The following PDE11A variants were observed in gnomAD, a reference collection of about 807,000 sequenced individuals.
PDE11A encodes the protein dual 3',5'-cyclic-AMP and -GMP phosphodiesterase 11A.
PDE11A carries 100 observed loss-of-function variants against 100.5 expected under a neutral mutation model. The observed-to-expected ratio is 1.00, with a 90% CI of 0.85 to 1.18. The LOEUF (loss-of-function observed/expected upper bound fraction) is 1.18. Among genes scored for constraint, PDE11A ranks in the 50% most tolerant of loss-of-function variants. The probability of loss-of-function intolerance (pLI) is 0.00; values close to 1 mark genes in which losing one functional copy is unlikely to be tolerated. For missense variants in PDE11A, 1,141 were observed against 1,152.6 expected, an observed-to-expected ratio of 0.99 and a Z score of 0.15; for synonymous variants, 381 against 420.8, an observed-to-expected ratio of 0.91 and a Z score of 1.16.
chr2:177,699,570 T>A (rs1041867328), intron 14 of PDE11A, among the ~76,000 whole-genome samples: 2 of 152,154 alleles, frequency 1.3e-5, no homozygotes, highest in Admixed American at 1.3e-4. Flanking sequence ...TAGATTTGAG[T>A]CTCCCTGAAA....
At chr2:178,063,713 T>C (rs923739319) in intron 1 of PDE11A, among the ~76,000 whole-genome samples, 4 of 152,084 alleles carry the variant, frequency 2.6e-5, no homozygotes, top group East Asian at 3.9e-4. Context: ...ATAAAGGAGA[T>C]AGTTAGGGCT....
At chr2:177,977,838 T>C (rs2085829976) in intron 2 of PDE11A, among the ~76,000 whole-genome samples, 1 of 126,384 alleles carries the variant, frequency 7.9e-6, no homozygotes, top group African/African-American at 3.0e-5. Context: ...GATTCCCTAT[T>C]TAATAAATGG....
chr2:177,816,085 C>T (rs2083033506), intron 9 of PDE11A, among the ~76,000 whole-genome samples: 1 of 152,082 alleles, frequency 6.6e-6, no homozygotes, highest in Non-Finnish European at 1.5e-5. Context: ...GTGGTGCATG[C>T]CTGTAATCCC....
At chr2:177,784,389 T>C (rs1023847542) in intron 9 of PDE11A, among the ~76,000 whole-genome samples, 5 of 152,048 alleles carry the variant, frequency 3.3e-5, no homozygotes, top group Admixed American at 2.0e-4. Flanking sequence ...ACAAATGCCG[T>C]GGCATTGTCC....
intron 4 of PDE11A, among the ~76,000 whole-genome samples, chr2:177,884,568 G>A (rs1309371202): frequency 6.6e-6 from 1 of 152,174 alleles, no homozygotes; most frequent in Non-Finnish European, 1.5e-5. Context: ...GATAGAGCAA[G>A]GCTGAGGACC....
chr2:177,687,583 A>G (rs1282486777), intron 15 of PDE11A: 1 of 152,204 alleles, frequency 6.6e-6, no homozygotes, highest in Admixed American at 6.5e-5. Flanking sequence ...CTGGAAGATG[A>G]AAATTTATAT....
At chr2:177,841,244 C>T (rs527501017) in intron 5 of PDE11A, among the ~76,000 whole-genome samples, 52 of 152,180 alleles carry the variant, frequency 3.4e-4, no homozygotes, top group South Asian at 1.0e-3. Flanking sequence ...TGCCAGGAGC[C>T]GTGGAGATAC....
chr2:177,919,626 A>C (rs1460247064), intron 2 of PDE11A, among the ~76,000 whole-genome samples: 1 of 152,190 alleles, frequency 6.6e-6, no homozygotes, highest in African/African-American at 2.4e-5. Context: ...AAAATTTTTA[A>C]TAAGTTATAA....
chr2:177,990,609 G>A (rs1396981930), intron 2 of PDE11A, among the ~76,000 whole-genome samples: 1 of 151,878 alleles, frequency 6.6e-6, no homozygotes, highest in Non-Finnish European at 1.5e-5. Context: ...ATGGTAGGGT[G>A]GGCCTGTAAT....
intron 2 of PDE11A, among the ~76,000 whole-genome samples, chr2:177,971,028 A>T (rs1353917289): frequency 6.6e-6 from 1 of 152,206 alleles, no homozygotes; most frequent in Non-Finnish European, 1.5e-5. Context: ...TCATCTGGGG[A>T]TATACATTCA....
intron 10 of PDE11A, among the ~76,000 whole-genome samples, chr2:177,745,016 G>T (rs929027620): frequency 6.6e-6 from 1 of 152,170 alleles, no homozygotes. Flanking sequence ...GCTTCTTTCC[G>T]CAACATAACC....
chr2:177,818,108 T>C (rs143991638), intron 7 of PDE11A, among the ~76,000 whole-genome samples, 183 bp from the exon 8 acceptor site: 1,555 of 152,200 alleles, frequency 0.01, 10 homozygotes, highest in Non-Finnish European at 0.016. Context: ...GCACTCTCTC[T>C]TCAAGGCTGA....
At chr2:178,090,428 A>T (rs921160650) in intron 2 of PDE11A, among the ~76,000 whole-genome samples, 2 of 152,052 alleles carry the variant, frequency 1.3e-5, no homozygotes, top group Admixed American at 6.6e-5. Context: ...TTTAACTACA[A>T]TTTTTTTAAT....
At chr2:177,864,865 C>T (rs2084001528) in intron 5 of PDE11A, among the ~76,000 whole-genome samples, 1 of 152,166 alleles carries the variant, frequency 6.6e-6, no homozygotes, top group Non-Finnish European at 1.5e-5. Flanking sequence ...TGCATTACTA[C>T]TTAAAAGTAA....
At chr2:178,028,356 G>C (rs937600841) in intron 1 of PDE11A, among the ~76,000 whole-genome samples, 1 of 151,268 alleles carries the variant, frequency 6.6e-6, no homozygotes, top group Non-Finnish European at 1.5e-5. Context: ...TATGAGAGTA[G>C]GCGTGACATA....
chr2:177,693,244 T>C (rs955092186), intron 15 of PDE11A, among the ~76,000 whole-genome samples: 2 of 152,182 alleles, frequency 1.3e-5, no homozygotes, highest in African/African-American at 4.8e-5. Context: ...CATGACTTCA[T>C]GTGTGAGAAC....
chr2:177,664,042 T>G, intron 18 of PDE11A, 93 bp from the exon 19 acceptor site: 1 of 768,458 alleles, frequency 1.3e-6, no homozygotes. Context: ...ATCCATTTTT[T>G]TTACAAACTG....
chr2:177,659,669 A>T (rs915453182), intron 19 of PDE11A, among the ~76,000 whole-genome samples: 1 of 152,208 alleles, frequency 6.6e-6, no homozygotes, highest in African/African-American at 2.4e-5. Context: ...TTAGCTTGCT[A>T]TTGCAGACAA....
chr2:177,878,188 T>G (rs143002902), intron 4 of PDE11A, among the ~76,000 whole-genome samples: 1 of 152,216 alleles, frequency 6.6e-6, no homozygotes, highest in Non-Finnish European at 1.5e-5. Context: ...TTTCATATTG[T>G]AATATGAATT....
Sources: gnomAD v4.1 joint callset for allele counts (sites outside exome capture counted in the v4.1 genomes callset) on GRCh38, gnomAD v4.1.1 for gene constraint, MANE v1.5 for transcripts, NCBI Gene and HGNC (gene_info 2026-07-23, HGNC 2026-07-21) for gene names.